Variants in C5orf24 observed in about 807,000 individuals in gnomAD.
C5orf24 encodes chromosome 5 open reading frame 24.
In C5orf24, 4 loss-of-function variants were observed where a neutral mutation model predicts 9.8. That is an observed-to-expected ratio of 0.41 (90% CI 0.20 to 0.93). C5orf24 has a LOEUF of 0.93. C5orf24 is among the 40% of genes least tolerant of loss of function. C5orf24 has a pLI of 0.33. For synonymous variants in C5orf24, 73 were observed against 81.3 expected (o/e 0.90, Z 0.55); for missense variants, 170 against 236.9 (o/e 0.72, Z 1.85).
At chr5:134,848,621 ATT>A (rs1298012832) in intron 1 of C5orf24, among the ~76,000 whole-genome samples, 1 of 128,446 alleles carries the variant, frequency 7.8e-6, no homozygotes, top group Non-Finnish European at 1.6e-5. Flanking sequence ...AGATCGCGCC[ATT>A]GCACTCCAGC....
upstream of C5orf24, among the ~76,000 whole-genome samples, chr5:134,843,743 C>CAGGG (rs1755934127): frequency 6.6e-6 from 1 of 152,186 alleles, no homozygotes; most frequent in Admixed American, 6.5e-5. Context: ...TTAGTAGAGA[C>CAGGG]AGGGTTTCAC....
chr5:134,842,985 ATT>A (rs528612743), upstream of C5orf24, among the ~76,000 whole-genome samples: 2 of 144,850 alleles, frequency 1.4e-5, no homozygotes, highest in Admixed American at 6.9e-5. Flanking sequence ...TGTCCCCATA[ATT>A]TTTTTTTTTT....
chr5:134,857,525 G>C lies in C5orf24; in HGVS notation c.*2058G>C. ...TAGCTTTGCACAAACCATAGAGAAC[G>C]ATGTTGGATGGTTACATAATCAGTT... On this transcript the variant is annotated 3_prime_UTR_variant, in exon 2 of 2. Transcript: ENST00000394976. The C allele has an allele frequency of 8.4e-7, 1 of 1,189,060 alleles. No individual in the cohort carries two copies. Among genetic ancestry groups the C allele is most frequent in the South Asian group, 2.8e-5 (1 of 35,342 alleles). 73.7% of individuals were successfully genotyped at this position (1,189,060 alleles called of 1,614,324 possible). A position where few individuals can be genotyped will look rare whatever the true frequency, so the allele number is the denominator to read the frequency against.
In C5orf24 at chr5:134,857,445, C is replaced by T. The variant is rs1332787665; in HGVS notation, c.*1978C>T. ...CTGCTCTTTACAGTAAGAGGTGTTG[C>T]ATTGTATGTGGGGACTATGTGCACT... On this transcript the variant is annotated 3_prime_UTR_variant, in exon 2 of 2. Coordinates refer to ENST00000394976, the MANE Select transcript of C5orf24 (RefSeq NM_001135586.1). 1 of 1,534,722 alleles carries T rather than the reference C, an allele frequency of 6.5e-7. No homozygotes were observed. Among genetic ancestry groups the T allele is most frequent in the Non-Finnish European group, 8.8e-7 (1 of 1,137,294 alleles).
rs921625633 is a variant in C5orf24, at chr5:134,858,663, T to G, written c.*3196T>G. The G allele has an allele frequency of 6.0e-6, 1 of 167,036 alleles. No homozygotes were observed. Among genetic ancestry groups the G allele is most frequent in the Admixed American group, 6.5e-5 (1 of 15,286 alleles). The allele number at this position is 167,036 out of a possible 1,614,324, so 10.3% of individuals were successfully genotyped here. A position where few individuals can be genotyped will look rare whatever the true frequency, so the allele number is the denominator to read the frequency against. On this transcript the variant is annotated 3_prime_UTR_variant, in exon 2 of 2. Transcript: ENST00000394976. Reference sequence around the variant, plus strand: ...AAAAAGTACTTTAACATGCCTTATTTATTATATTAGCAAATGAGCTAATAA... The same window carrying G: ...AAAAAGTACTTTAACATGCCTTATTGATTATATTAGCAAATGAGCTAATAA...
chr5:134,836,411 G>A, the C5orf24 span, among the ~76,000 whole-genome samples: 3 of 151,374 alleles, frequency 2.0e-5, no homozygotes, highest in African/African-American at 7.3e-5. Flanking sequence ...GACCTCAGAT[G>A]ATCCAACTGC....
In C5orf24 at chr5:134,857,442, T is replaced by C. The variant is rs1438152715; in HGVS notation, c.*1975T>C. On this transcript the variant is annotated 3_prime_UTR_variant, in exon 2 of 2. Transcript: ENST00000394976. ...ATGCTGCTCTTTACAGTAAGAGGTGTTGCATTGTATGTGGGGACTATGTGC... is the reference window on the plus strand; with the variant it reads ...ATGCTGCTCTTTACAGTAAGAGGTGCTGCATTGTATGTGGGGACTATGTGC... The C allele has an allele frequency of 6.5e-7, 1 of 1,536,176 alleles. No individual in the cohort carries two copies.
the C5orf24 span, among the ~76,000 whole-genome samples, chr5:134,835,813 C>T: frequency 6.6e-6 from 1 of 152,168 alleles, no homozygotes; most frequent in African/African-American, 2.4e-5. Flanking sequence ...CCCACTTCAG[C>T]CTCCTGAATA....
At chr5:134,852,627 C>T (rs1019219974) in intron 1 of C5orf24, among the ~76,000 whole-genome samples, 1 of 152,178 alleles carries the variant, frequency 6.6e-6, no homozygotes, top group South Asian at 2.1e-4. Flanking sequence ...CAAATATCTC[C>T]TAACAACTTG....
At position 134,855,564 on chromosome 5, in the gene C5orf24, G is replaced by C. The variant is rs1320663062; in HGVS notation, c.*97G>C. 19 of 1,493,814 alleles carry C rather than the reference G, an allele frequency of 1.3e-5. 1 individual carries two copies. In the South Asian group the frequency reaches 2.2e-4, roughly 17 times the overall value. 92.5% of individuals were successfully genotyped at this position (1,493,814 alleles called of 1,614,324 possible). ...TGATATACATAATTTTATGGCCTGG[G>C]CTTTCCAAATTTGTTTTCCTGTTTG... On this transcript the variant is annotated 3_prime_UTR_variant, in exon 2 of 2. Coordinates refer to ENST00000394976, the MANE Select transcript of C5orf24 (RefSeq NM_001135586.1).
chr5:134,834,298 C>G, the C5orf24 span, among the ~76,000 whole-genome samples: 4 of 152,124 alleles, frequency 2.6e-5, no homozygotes, highest in Non-Finnish European at 5.9e-5. Context: ...ACTTCAGGCA[C>G]TTCTGTAGCA....
the C5orf24 span, among the ~76,000 whole-genome samples, chr5:134,840,114 C>T: frequency 2.0e-5 from 3 of 152,014 alleles, no homozygotes; most frequent in Non-Finnish European, 4.4e-5. Flanking sequence ...CGAGACCATC[C>T]TGGCCGAAAT....
chr5:134,851,218 G>T (rs1177906087), intron 1 of C5orf24, among the ~76,000 whole-genome samples: 1 of 152,050 alleles, frequency 6.6e-6, no homozygotes, highest in Non-Finnish European at 1.5e-5. Flanking sequence ...GTGAGCCATC[G>T]TGGCCATCCT....
At position 134,858,759 on chromosome 5, in the gene C5orf24, C is replaced by T. The variant is rs151105359; in HGVS notation, c.*3292C>T. On this transcript the variant is annotated 3_prime_UTR_variant, in exon 2 of 2. Coordinates refer to ENST00000394976, the MANE Select transcript of C5orf24 (RefSeq NM_001135586.1). ...GTATTTAGGGTGATTTTGATACTATCTTTAGAGTTTTGCATTGGATATTAA... is the reference window on the plus strand; with the variant it reads ...GTATTTAGGGTGATTTTGATACTATTTTTAGAGTTTTGCATTGGATATTAA... The T allele has an allele frequency of 1.9e-4, 31 of 166,756 alleles. No individual in the cohort carries two copies. Among genetic ancestry groups the T allele is most frequent in the African/African-American group, 7.5e-4 (31 of 41,502 alleles). 10.3% of individuals were successfully genotyped at this position (166,756 alleles called of 1,614,324 possible).
chr5:134,847,593 T>C (rs1388320707), intron 1 of C5orf24, among the ~76,000 whole-genome samples: 3 of 152,018 alleles, frequency 2.0e-5, no homozygotes, highest in Non-Finnish European at 4.4e-5. Flanking sequence ...TGCACCCGGC[T>C]TCAGTAACTA....
At position 134,856,013 on chromosome 5, in the gene C5orf24, T is replaced by C; in HGVS notation, c.*546T>C. 1 of 1,002,894 alleles carries C rather than the reference T, an allele frequency of 1.0e-6. No homozygotes were observed. Among genetic ancestry groups the C allele is most frequent in the South Asian group, 4.7e-5 (1 of 21,444 alleles). 62.1% of individuals were successfully genotyped at this position (1,002,894 alleles called of 1,614,324 possible). ...CAAATGTTAAAAAACTTATTTTTAATGTTTTAGGTTTAAGCAGCTTGTAAT... is the reference window on the plus strand; with the variant it reads ...CAAATGTTAAAAAACTTATTTTTAACGTTTTAGGTTTAAGCAGCTTGTAAT... On this transcript the variant is annotated 3_prime_UTR_variant, in exon 2 of 2. Coordinates refer to ENST00000394976, the MANE Select transcript of C5orf24 (RefSeq NM_001135586.1).
chr5:134,843,130 T>G (rs1321207499), upstream of C5orf24, among the ~76,000 whole-genome samples: 1 of 151,682 alleles, frequency 6.6e-6, no homozygotes, highest in African/African-American at 2.4e-5. Context: ...ATGTGCACCA[T>G]CACACCTGGC....
Position 134,855,345 on chromosome 5 carries a change from T to G in C5orf24, c.445T>G (p.Ser149Ala), listed in dbSNP as rs750155030. 1 of 1,614,124 alleles carries G rather than the reference T, an allele frequency of 6.2e-7. No individual in the cohort carries two copies. The highest frequency in any genetic ancestry group is 8.5e-7 in the Non-Finnish European group (1 of 1,180,020). Reference protein sequence around the residue: ...GRPPGSIKALSRLADLGYGCG... With the variant: ...GRPPGSIKALARLADLGYGCG... ...ACCTCCAGGTAGCATTAAAGCTCTA[T>G]CCCGTCTTGCCGATCTTGGTTATGG... The change falls in exon 2 of 2, where the codon TCC (serine) becomes GCC (alanine). Residue 149 changes from serine to alanine, a missense_variant. By Grantham distance (99) the Ser-to-Ala change is moderately conservative (BLOSUM62 1). This residue lies in a region of C5orf24 where 56 missense variants were observed against 60.3 expected (regional missense o/e 0.93). Transcript: ENST00000394976.
chr5:134,856,302 T>C lies in C5orf24; in HGVS notation c.*835T>C. ...AGCATTCTCTAGGTTTGCATGTAGC[T>C]ATAGTCACTATATTTTGCCTTTCAT... On this transcript the variant is annotated 3_prime_UTR_variant, in exon 2 of 2. Coordinates refer to ENST00000394976, the MANE Select transcript of C5orf24 (RefSeq NM_001135586.1). 1.0e-6 allele frequency: 1 copy of C among 993,226 alleles called. No homozygotes were observed. The highest frequency in any genetic ancestry group is 1.2e-6 in the Non-Finnish European group (1 of 823,838). The allele number at this position is 993,226 out of a possible 1,614,324, so 61.5% of individuals were successfully genotyped here. A position where few individuals can be genotyped will look rare whatever the true frequency, so the allele number is the denominator to read the frequency against.
Sources: gnomAD v4.1 joint callset for allele counts (sites outside exome capture counted in the v4.1 genomes callset) on GRCh38, gnomAD v4.1.1 for gene constraint, gnomAD v4.1.1 regional missense constraint, MANE v1.5 for transcripts, NCBI Gene and HGNC (gene_info 2026-07-23, HGNC 2026-07-21) for gene names.